The following CTNNA3 variants were observed in gnomAD, a reference collection of about 807,000 sequenced individuals.
The protein encoded by CTNNA3 is catenin alpha-3.
CTNNA3 carries 76 observed loss-of-function variants against 95.7 expected under a neutral mutation model. That is an observed-to-expected ratio of 0.79 (90% CI 0.66 to 0.96). The LOEUF is 0.96. Among genes scored for constraint, CTNNA3 ranks in the 40% least tolerant of loss-of-function variants. The pLI, the probability that CTNNA3 is intolerant of heterozygous loss-of-function variation, is 0.00. For synonymous variants in CTNNA3, 431 were observed against 374.4 expected (o/e 1.15, Z -1.74); for missense variants, 1,191 against 1,089.8 (o/e 1.09, Z -1.31).
rs71468819 is a variant in CTNNA3, at chr10:67,736,451, ATTTT to A, written c.-2+26979_-2+26982del. Reference sequence around the variant, plus strand: ...TTTATGTTATGCATATTTTACCACAATTTTTTTTTTTTTTTTTTTTTTGAGACGG... The same window carrying A: ...TTTATGTTATGCATATTTTACCACAATTTTTTTTTTTTTTTTTTGAGACGG... On this transcript the variant is annotated intron_variant, in intron 1 of 17. Transcript: ENST00000684154. Among the ~76,000 whole-genome samples, 144 of 118,028 alleles carry A rather than the reference ATTTT, an allele frequency of 1.2e-3. No individual in the cohort carries two copies. The Middle Eastern group carries it at 0.015, about 12-fold the overall frequency. The allele number at this position is 118,028 out of a possible 152,430, so 77.4% of individuals were successfully genotyped here.
intron 10 of CTNNA3, among the ~76,000 whole-genome samples, chr10:66,572,248 G>T (rs567902720): frequency 1.3e-5 from 2 of 151,442 alleles, no homozygotes; most frequent in South Asian, 2.1e-4. Flanking sequence ...CTGGGTGTGG[G>T]GGCACGTGCC....
At chr10:66,147,280 A>ATTCTTCTT (rs1470890688) in intron 13 of CTNNA3, among the ~76,000 whole-genome samples, 1 of 152,118 alleles carries the variant, frequency 6.6e-6, no homozygotes, top group Non-Finnish European at 1.5e-5. Context: ...AATGCCCAAT[A>ATTCTTCTT]TTCTTCTTTT....
intron 1 of CTNNA3, among the ~76,000 whole-genome samples, chr10:67,745,382 C>T (rs1841368480): frequency 6.6e-6 from 1 of 151,822 alleles, no homozygotes; most frequent in Non-Finnish European, 1.5e-5. Flanking sequence ...AGCTGGAAAC[C>T]ATCATTCTCA....
chr10:66,706,528 T>C (rs1286494295), intron 9 of CTNNA3, among the ~76,000 whole-genome samples: 2 of 151,642 alleles, frequency 1.3e-5, no homozygotes, highest in Non-Finnish European at 2.9e-5. Context: ...CAAACAGCAG[T>C]GGATTAAAAA....
chr10:67,726,583 A>C (rs866221730), intron 1 of CTNNA3, among the ~76,000 whole-genome samples: 1 of 68,370 alleles, frequency 1.5e-5, no homozygotes, highest in African/African-American at 7.4e-5. Flanking sequence ...ATATTATATA[A>C]TATGTAATAT....
intron 5 of CTNNA3, among the ~76,000 whole-genome samples, chr10:67,270,636 A>G (rs979891047): frequency 7.2e-5 from 11 of 152,204 alleles, no homozygotes; most frequent in African/African-American, 2.7e-4. Context: ...TGTGCTCCGT[A>G]TAAGTGAACT....
intron 7 of CTNNA3, among the ~76,000 whole-genome samples, chr10:67,114,638 T>C (rs1859076049): frequency 6.6e-6 from 1 of 152,004 alleles, no homozygotes; most frequent in African/African-American, 2.4e-5. Flanking sequence ...AGTTCTTAAT[T>C]TCTTTTCTAA....
intron 9 of CTNNA3, among the ~76,000 whole-genome samples, chr10:66,709,013 G>A (rs1213961182): frequency 2.0e-5 from 3 of 152,080 alleles, no homozygotes; most frequent in African/African-American, 7.2e-5. Context: ...TACACTAGAA[G>A]CTTTTAGTGT....
rs191437641 is a variant in CTNNA3 at position 65,954,071 on chromosome 10, C to T, written c.2400+12541G>A. On this transcript the variant is annotated intron_variant, in intron 17 of 17. Coordinates refer to ENST00000433211, the MANE Select transcript of CTNNA3 (RefSeq NM_013266.4). ...TGTTGTTTCCTGACTTTTTAATGAT[C>T]GCCATTCTAACTGGTGTGAGATGGT... Among the ~76,000 whole-genome samples, 884 of 152,212 alleles carry T rather than the reference C, an allele frequency of 5.8e-3. 9 individuals are homozygous for T. Among genetic ancestry groups the T allele is most frequent in the African/African-American group, 0.02 (815 of 41,526 alleles).
intron 7 of CTNNA3, among the ~76,000 whole-genome samples, chr10:67,175,120 G>C (rs1376488977): frequency 6.9e-6 from 1 of 145,116 alleles, no homozygotes; most frequent in East Asian, 2.0e-4. Context: ...CAAGAAGGAA[G>C]GGATGGAGGG....
intron 1 of CTNNA3, among the ~76,000 whole-genome samples, chr10:67,725,058 TATC>T (rs1324586387): frequency 3.9e-5 from 6 of 152,058 alleles, no homozygotes; most frequent in Non-Finnish European, 8.8e-5. Context: ...TATAATTTAT[TATC>T]AACTTTTTAC....
At chr10:66,343,498 C>G (rs2092473870) in intron 12 of CTNNA3, among the ~76,000 whole-genome samples, 1 of 151,706 alleles carries the variant, frequency 6.6e-6, no homozygotes. Flanking sequence ...ACCACACTTT[C>G]TTACTCAAAT....
rs544021250 is a variant in CTNNA3, at chr10:67,295,460, G to T, written c.580-75590C>A. 2.5e-3 allele frequency among the ~76,000 whole-genome samples: 373 copies of T among 152,056 alleles called. 2 individuals are homozygous for T. The highest frequency in any genetic ancestry group is 4.0e-3 in the Non-Finnish European group (271 of 68,030). On this transcript the variant is annotated intron_variant, in intron 5 of 17. Coordinates refer to ENST00000433211, the MANE Select transcript of CTNNA3 (RefSeq NM_013266.4). ...TTCTAAGTTGCTTCATTTGAGTCAC[G>T]TGGGAATTCCAAATTGAATCATATG...
At chr10:67,129,289 A>C (rs1485754828) in intron 7 of CTNNA3, among the ~76,000 whole-genome samples, 2 of 152,156 alleles carry the variant, frequency 1.3e-5, no homozygotes, top group Non-Finnish European at 2.9e-5. Context: ...TTGCCTTGGA[A>C]CATTAACCAT....
At chr10:66,620,073 A>C (rs1844690042) in intron 10 of CTNNA3, among the ~76,000 whole-genome samples, 1 of 152,134 alleles carries the variant, frequency 6.6e-6, no homozygotes, top group Non-Finnish European at 1.5e-5. Context: ...GGGAATAAAT[A>C]TCTGTATGTT....
At chr10:66,422,170 G>C (rs763641410) in intron 11 of CTNNA3, among the ~76,000 whole-genome samples, 11 of 151,988 alleles carry the variant, frequency 7.2e-5, no homozygotes, top group Non-Finnish European at 1.6e-4. Context: ...AAGTTTGCAT[G>C]TAAGTAACTT....
chr10:67,621,759 A>AG (rs1564789166), intron 2 of CTNNA3, among the ~76,000 whole-genome samples: 1 of 148,938 alleles, frequency 6.7e-6, no homozygotes, highest in African/African-American at 2.5e-5. Context: ...AAAAAAAAAA[A>AG]AAAGAAAAGA....
At chr10:67,622,619 C>T (rs974348639) in intron 2 of CTNNA3, among the ~76,000 whole-genome samples, 3 of 152,156 alleles carry the variant, frequency 2.0e-5, no homozygotes, top group African/African-American at 4.8e-5. Context: ...TTGCCATGCA[C>T]GCTCCCACTG....
At chr10:67,441,193 A>G (rs1026313839) in intron 5 of CTNNA3, among the ~76,000 whole-genome samples, 1 of 152,046 alleles carries the variant, frequency 6.6e-6, no homozygotes, top group Non-Finnish European at 1.5e-5. Context: ...TTAATAGCAG[A>G]ACTGGTCAAT....
Sources: gnomAD v4.1 joint callset for allele counts (sites outside exome capture counted in the v4.1 genomes callset) on GRCh38, gnomAD v4.1.1 for gene constraint, MANE v1.5 for transcripts, NCBI Gene and HGNC (gene_info 2026-07-23, HGNC 2026-07-21) for gene names.